Variants in HUWE1 observed in about 807,000 individuals in gnomAD.
HUWE1 encodes the protein HECT, UBA and WWE domain containing E3 ubiquitin protein ligase 1.
HUWE1 carries 18 observed loss-of-function variants against 299.4 expected under a neutral mutation model. The observed-to-expected ratio is 0.06, with a 90% CI of 0.04 to 0.09. The LOEUF (loss-of-function observed/expected upper bound fraction) is 0.09. Ranked by LOEUF, HUWE1 falls within the 10% of genes least tolerant of loss-of-function variation. The pLI is 1.00. For missense variants in HUWE1, 1,832 were observed against 3,462.3 expected (o/e 0.53, Z 11.82); for synonymous variants, 1,317 against 1,286.1 (o/e 1.02, Z -0.51).
intron 3 of HUWE1, among the ~76,000 whole-genome samples, chrX:53,660,985 TAA>T (rs2068972538): frequency 9.0e-6 from 1 of 110,869 alleles, no homozygotes; most frequent in Non-Finnish European, 1.9e-5. Context: ...CACCAAGATC[TAA>T]ATCCAGGTCT....
chrX:53,679,465 T>C (rs781958667), intron 3 of HUWE1, among the ~76,000 whole-genome samples: 5 of 111,864 alleles, frequency 4.5e-5, no homozygotes, highest in African/African-American at 6.5e-5. Context: ...TATTCCAATA[T>C]AATCCATTGA....
At chrX:53,537,452 G>A in intron 78 of HUWE1, 104 bp downstream of exon 78, 3 of 841,680 alleles carry the variant, frequency 3.6e-6, no homozygotes, top group Non-Finnish European at 5.2e-6. Flanking sequence ...TTCCTATTAG[G>A]GAGGGCAGCA....
chrX:53,600,527 G>A (rs1221928624), intron 28 of HUWE1, among the ~76,000 whole-genome samples: 1 of 112,480 alleles, frequency 8.9e-6, no homozygotes, highest in Non-Finnish European at 1.9e-5. Flanking sequence ...GACAGCATAT[G>A]AATAGTATTA....
rs781879142 is a variant in HUWE1, at chrX:53,570,453, G to C, written c.6313-626C>G. 2.7e-5 allele frequency among the ~76,000 whole-genome samples: 3 copies of C among 112,441 alleles called. No homozygotes were observed. The East Asian group carries it at 8.3e-4, about 31-fold the overall frequency. ...GATTCAAACCTTGATTCTTAATTAA[G>C]TGCTATAAACCCTTCAGTGTTCAAT... is the stretch of plus-strand genomic sequence containing the variant. On this transcript the variant is annotated intron_variant, in intron 47 of 83. Transcript: ENST00000262854.
Position 53,607,576 on chromosome X carries a change from A to G in HUWE1, c.2443T>C (p.Phe815Leu), listed in dbSNP as rs1556997928. 8.3e-7 allele frequency: 1 copy of G among 1,210,315 alleles called. No homozygotes were observed. ...ILGLPNLPID[F>L]PTSAACQAVA... ...GCCTGACAGGCAGCAGATGTGGGAA[A>G]GTCAATGGGCAGATTGGGAAGACCC... The change falls in exon 25 of 84, where the codon TTT becomes CTT. Residue 815 changes from phenylalanine (F) to leucine (L), a missense_variant. Phe to Leu is a conservative substitution (Grantham distance 22). This residue lies in a region of HUWE1 where 658 missense variants were observed against 1,282.6 expected (regional missense o/e 0.51). Coordinates refer to ENST00000262854, the MANE Select transcript of HUWE1 (RefSeq NM_031407.7).
chrX:53,603,314 C>T, intron 27 of HUWE1, 54 bp downstream of exon 27: 1 of 1,168,323 alleles, frequency 8.6e-7, no homozygotes, highest in South Asian at 1.8e-5. Context: ...AGCAATCCTC[C>T]AGGCTCACCG....
intron 15 of HUWE1, 64 bp from the exon 16 acceptor site, chrX:53,627,943 T>C (rs2066624699): frequency 2.9e-6 from 3 of 1,040,583 alleles, no homozygotes; most frequent in Non-Finnish European, 4.0e-6. Context: ...AAAAATTGCA[T>C]GCTTTTGTAT....
intron 28 of HUWE1, among the ~76,000 whole-genome samples, chrX:53,600,550 C>T (rs1294335058): frequency 3.6e-5 from 4 of 112,342 alleles, no homozygotes; most frequent in Non-Finnish European, 5.6e-5. Context: ...CCAGGGCTAC[C>T]TTGGAAGACT....
At chrX:53,637,687 CG>C (rs2067302883) in intron 7 of HUWE1, among the ~76,000 whole-genome samples, 1 of 112,104 alleles carries the variant, frequency 8.9e-6, no homozygotes, top group Non-Finnish European at 1.9e-5. Context: ...ACGTGACTCA[CG>C]AAAGTCTGTG....
intron 28 of HUWE1, among the ~76,000 whole-genome samples, chrX:53,602,229 A>G (rs2064894420): frequency 9.0e-6 from 1 of 111,016 alleles, no homozygotes; most frequent in Admixed American, 9.6e-5. Context: ...GTGTACCTTT[A>G]TATGGTACCT....
chrX:53,590,649 C>T (rs1181997837), intron 34 of HUWE1, 150 bp from the exon 35 acceptor site: 16 of 501,634 alleles, frequency 3.2e-5, no homozygotes, highest in Non-Finnish European at 1.0e-5. Context: ...ATAAGTCAAA[C>T]CCTATCAGGC....
Position 53,595,167 on chromosome X carries a change from A to T in HUWE1, c.3380+20T>A. 1 of 1,157,426 alleles carries T rather than the reference A, an allele frequency of 8.6e-7. No homozygotes were observed. The highest frequency in any genetic ancestry group is 1.2e-6 in the Non-Finnish European group (1 of 846,280). ...TTTTATTGTAACTTTCTAGTCCCTG[A>T]ATCTCAAGCTGAACTTCACCTGAAT... On this transcript the variant is annotated intron_variant, in intron 30 of 83. Transcript: ENST00000262854.
At chrX:53,651,332 G>T (rs1165284529) in intron 4 of HUWE1, among the ~76,000 whole-genome samples, 5 of 107,809 alleles carry the variant, frequency 4.6e-5, no homozygotes, top group Admixed American at 9.8e-5. Flanking sequence ...ATTGTGTGTG[G>T]TAAGAATACT....
intron 53 of HUWE1, 44 bp downstream of exon 53, chrX:53,562,787 G>A (rs782236098): frequency 2.9e-6 from 3 of 1,046,826 alleles, no homozygotes; most frequent in Non-Finnish European, 4.0e-6. Context: ...TCTGTCAGAC[G>A]TGCAGGGCAA....
chrX:53,602,443 T>C (rs1207672512), intron 28 of HUWE1, 121 bp downstream of exon 28: 12 of 449,475 alleles, frequency 2.7e-5, no homozygotes, highest in Non-Finnish European at 4.3e-5. Context: ...TAAAAATTAG[T>C]GAGAGGATGA....
intron 4 of HUWE1, among the ~76,000 whole-genome samples, chrX:53,652,380 G>A (rs2068528311): frequency 8.9e-6 from 1 of 111,891 alleles, no homozygotes; most frequent in South Asian, 3.7e-4. Context: ...TGCTCTACAA[G>A]ATAATCATTC....
intron 8 of HUWE1, among the ~76,000 whole-genome samples, chrX:53,633,830 T>C: frequency 8.9e-6 from 1 of 112,245 alleles, no homozygotes. Context: ...TCAATAAACC[T>C]AATGGTAGAA....
intron 43 of HUWE1, among the ~76,000 whole-genome samples, chrX:53,578,415 C>T (rs1446394973): frequency 1.1e-5 from 1 of 88,913 alleles, no homozygotes; most frequent in African/African-American, 4.5e-5. Context: ...GGCTCCTCTG[C>T]CCGGCCGCCC....
chrX:53,680,317 T>A, intron 2 of HUWE1, 131 bp from the exon 3 acceptor site: 1 of 276,554 alleles, frequency 3.6e-6, no homozygotes, highest in Non-Finnish European at 6.4e-6. Flanking sequence ...TCCTTACATA[T>A]CTATTTGCAT....
Sources: gnomAD v4.1 joint callset for allele counts (sites outside exome capture counted in the v4.1 genomes callset) on GRCh38, gnomAD v4.1.1 for gene constraint, gnomAD v4.1.1 regional missense constraint, MANE v1.5 for transcripts, NCBI Gene and HGNC (gene_info 2026-07-23, HGNC 2026-07-21) for gene names.